THSD7B: variants seen among roughly 807,000 people sequenced by gnomAD.
THSD7B encodes thrombospondin type-1 domain-containing protein 7B.
In THSD7B, 138 loss-of-function variants were observed where a neutral mutation model predicts 213.6. The observed-to-expected ratio is 0.65, with a 90% CI of 0.56 to 0.74. The LOEUF is 0.74. Among genes scored for constraint, THSD7B ranks in the 30% least tolerant of loss-of-function variants. The pLI, the probability that THSD7B is intolerant of heterozygous loss-of-function variation, is 0.00. For missense variants in THSD7B, 1,931 were observed against 1,991.5 expected (o/e 0.97, Z 0.58); for synonymous variants, 742 against 687.0 (o/e 1.08, Z -1.25).
intron 9 of THSD7B, among the ~76,000 whole-genome samples, chr2:137,238,468 A>G (rs1474797572): frequency 1.3e-5 from 2 of 149,580 alleles, no homozygotes; most frequent in Non-Finnish European, 3.0e-5. Flanking sequence ...AAAGTATGAT[A>G]TAAATTTTCC....
chr2:136,801,860 G>C (rs1467325060), intron 1 of THSD7B, among the ~76,000 whole-genome samples: 1 of 152,078 alleles, frequency 6.6e-6, no homozygotes, highest in Non-Finnish European at 1.5e-5. Context: ...AGACTTCAGG[G>C]AAGGAAATGA....
At chr2:137,592,980 C>T (rs1681893541) in intron 17 of THSD7B, among the ~76,000 whole-genome samples, 1 of 151,866 alleles carries the variant, frequency 6.6e-6, no homozygotes, top group African/African-American at 2.4e-5. Flanking sequence ...ATTAGCTCAA[C>T]ATTATGTCTT....
chr2:137,150,721 T>C (rs1344433986), intron 5 of THSD7B, among the ~76,000 whole-genome samples: 2 of 152,158 alleles, frequency 1.3e-5, no homozygotes, highest in African/African-American at 2.4e-5. Context: ...TTCTAAGAGA[T>C]GCTTTGTTAG....
At chr2:137,460,623 G>A (rs550835601) in intron 15 of THSD7B, among the ~76,000 whole-genome samples, 9 of 152,148 alleles carry the variant, frequency 5.9e-5, no homozygotes, top group South Asian at 4.1e-4. Flanking sequence ...ATTTGGCATA[G>A]CATTTTTTCC....
At chr2:137,044,551 C>A (rs1268373750) in intron 2 of THSD7B, among the ~76,000 whole-genome samples, 4 of 152,064 alleles carry the variant, frequency 2.6e-5, no homozygotes, top group Non-Finnish European at 4.4e-5. Flanking sequence ...TAGTACAGAA[C>A]CCTGTGCATA....
chr2:136,829,333 C>T (rs182345282), intron 1 of THSD7B, among the ~76,000 whole-genome samples: 4 of 152,166 alleles, frequency 2.6e-5, no homozygotes, highest in African/African-American at 9.6e-5. Context: ...TGGCTTTCTC[C>T]TTCAACCACC....
intron 12 of THSD7B, among the ~76,000 whole-genome samples, chr2:137,276,386 G>A (rs955826857): frequency 3.3e-5 from 5 of 151,904 alleles, no homozygotes; most frequent in Admixed American, 1.3e-4. Context: ...ATTTTTTGGT[G>A]CTAATTAAAT....
intron 10 of THSD7B, among the ~76,000 whole-genome samples, chr2:137,258,608 C>T (rs1189363919): frequency 2.0e-5 from 3 of 151,864 alleles, no homozygotes; most frequent in African/African-American, 4.8e-5. Context: ...ACTCGCCCTG[C>T]CCCCCACCCG....
chr2:136,970,196 G>T (rs146732228), intron 2 of THSD7B, among the ~76,000 whole-genome samples: 3 of 152,258 alleles, frequency 2.0e-5, no homozygotes, highest in African/African-American at 7.2e-5. Context: ...AGGCATGGTG[G>T]CTCATACCTG....
At chr2:137,037,451 G>A (rs1187084060) in intron 2 of THSD7B, among the ~76,000 whole-genome samples, 1 of 151,880 alleles carries the variant, frequency 6.6e-6, no homozygotes, top group Non-Finnish European at 1.5e-5. Context: ...GAGAAGGCAT[G>A]TTGTGAATAC....
intron 10 of THSD7B, among the ~76,000 whole-genome samples, chr2:137,248,027 C>T (rs1198927863): frequency 6.6e-6 from 1 of 152,072 alleles, no homozygotes; most frequent in Non-Finnish European, 1.5e-5. Context: ...TGAGTTTTTT[C>T]AATCCACAGA....
At chr2:137,428,000 AT>A in intron 14 of THSD7B, among the ~76,000 whole-genome samples, 1 of 152,322 alleles carries the variant, frequency 6.6e-6, no homozygotes, top group South Asian at 2.1e-4. Flanking sequence ...ACTGAAAAAA[AT>A]AATGTATAAG....
intron 20 of THSD7B, among the ~76,000 whole-genome samples, chr2:137,638,988 G>A (rs1682886278): frequency 6.6e-6 from 1 of 150,988 alleles, no homozygotes; most frequent in African/African-American, 2.4e-5. Context: ...GCAGCCTGAC[G>A]ATGCAGTATA....
intron 4 of THSD7B, among the ~76,000 whole-genome samples, chr2:137,107,597 A>G (rs1279541114): frequency 6.6e-6 from 1 of 152,216 alleles, no homozygotes; most frequent in Non-Finnish European, 1.5e-5. Context: ...TAGAAAAGAA[A>G]CAATAGATTT....
intron 3 of THSD7B, among the ~76,000 whole-genome samples, chr2:137,058,989 A>G (rs985219173): frequency 2.0e-5 from 3 of 152,202 alleles, no homozygotes; most frequent in African/African-American, 7.2e-5. Context: ...GAATTGCCGA[A>G]GACTAACTGT....
At chr2:137,626,907 A>T (rs1023448053) in intron 20 of THSD7B, among the ~76,000 whole-genome samples, 2 of 152,138 alleles carry the variant, frequency 1.3e-5, no homozygotes, top group African/African-American at 4.8e-5. Context: ...CTGAGTACCA[A>T]TTTTCTGTGT....
At chr2:136,973,735 A>G (rs1685438989) in intron 2 of THSD7B, among the ~76,000 whole-genome samples, 1 of 152,192 alleles carries the variant, frequency 6.6e-6, no homozygotes, top group Non-Finnish European at 1.5e-5. Context: ...GGTGTTTTGC[A>G]TAATTAAGTT....
intron 4 of THSD7B, among the ~76,000 whole-genome samples, chr2:137,113,103 C>A (rs77672624): frequency 0.034 from 5,186 of 152,222 alleles, 144 homozygotes; most frequent in Admixed American, 0.06. Context: ...CCCCCTTGTT[C>A]AGGCCAGAAA....
chr2:137,206,038 T>G (rs1289348047), intron 7 of THSD7B, among the ~76,000 whole-genome samples: 1 of 68,740 alleles, frequency 1.5e-5, no homozygotes, highest in African/African-American at 4.9e-5. Flanking sequence ...TTTCCAACAG[T>G]GATTATCCTT....
Sources: allele counts gnomAD v4.1 joint callset (sites outside exome capture counted in the v4.1 genomes callset), GRCh38; gene constraint gnomAD v4.1.1; transcripts MANE v1.5; gene names NCBI Gene and HGNC (gene_info 2026-07-23, HGNC 2026-07-21).